SORCS1: variants seen among roughly 807,000 people sequenced by gnomAD.
The protein encoded by SORCS1 is sortilin related VPS10 domain containing receptor 1.
In SORCS1, 60 loss-of-function variants were observed where a neutral mutation model predicts 146.1. The observed-to-expected ratio is 0.41, with a 90% CI of 0.33 to 0.51. The LOEUF (loss-of-function observed/expected upper bound fraction) is 0.51, where lower values mean the gene tolerates loss of function less well. Among genes scored for constraint, SORCS1 ranks in the 20% least tolerant of loss-of-function variants. The probability of loss-of-function intolerance (pLI) is 0.21; values close to 1 mark genes in which losing one functional copy is unlikely to be tolerated. For synonymous variants in SORCS1, 637 were observed against 584.0 expected (o/e 1.09, Z -1.31); for missense variants, 1,352 against 1,487.6 (o/e 0.91, Z 1.50).
intron 18 of SORCS1, among the ~76,000 whole-genome samples, chr10:106,650,218 T>C (rs907692910): frequency 6.6e-6 from 1 of 152,230 alleles, no homozygotes; most frequent in African/African-American, 2.4e-5. Flanking sequence ...AACAATCATT[T>C]TAGAGTTGAA....
intron 5 of SORCS1, among the ~76,000 whole-genome samples, chr10:106,750,728 CAAAAAAAAAAAAAAA>C (rs572295853): frequency 9.6e-4 from 23 of 24,028 alleles, no homozygotes; most frequent in African/African-American, 2.3e-3. Flanking sequence ...GACTCCCTCT[CAAAAAAAAAAAAAAA>C]AAAAAAAAAA....
At chr10:106,881,721 A>T (rs2137731322) in intron 2 of SORCS1, among the ~76,000 whole-genome samples, 1 of 152,362 alleles carries the variant, frequency 6.6e-6, no homozygotes, top group East Asian at 1.9e-4. Context: ...AAGAAGATTC[A>T]AATTTGTTGC....
chr10:106,586,197 G>A (rs1440270436), intron 24 of SORCS1, among the ~76,000 whole-genome samples: 3 of 152,096 alleles, frequency 2.0e-5, no homozygotes, highest in Admixed American at 6.5e-5. Flanking sequence ...GGGTGGCAGG[G>A]TAAAAGTAAG....
At chr10:106,668,524 C>G (rs1023770257) in intron 16 of SORCS1, among the ~76,000 whole-genome samples, 3 of 152,172 alleles carry the variant, frequency 2.0e-5, no homozygotes, top group African/African-American at 7.2e-5. Flanking sequence ...GCAGATGAAC[C>G]TGGGCACAGA....
At chr10:107,100,110 AG>A (rs1220023177) in intron 1 of SORCS1, among the ~76,000 whole-genome samples, 2 of 152,252 alleles carry the variant, frequency 1.3e-5, no homozygotes, top group African/African-American at 4.8e-5. Flanking sequence ...AAATTTCCAT[AG>A]GTTTTTAAGA....
chr10:107,004,881 G>A (rs751716533), intron 1 of SORCS1, among the ~76,000 whole-genome samples: 4 of 152,120 alleles, frequency 2.6e-5, no homozygotes, highest in Non-Finnish European at 4.4e-5. Flanking sequence ...GGGCCTGTGC[G>A]TGTATGTGAC....
rs368303593 is a variant in SORCS1, at chr10:106,943,732, C to G, written c.626+12781G>C. ...GGCTGAGGCAGGAGAATGGCGTGAA[C>G]CCGGGAGGCAGAGCTTGCAGTGAGC... is the stretch of plus-strand genomic sequence containing the variant. On this transcript the variant is annotated intron_variant, in intron 2 of 25. Transcript: ENST00000263054. 4.5e-4 allele frequency among the ~76,000 whole-genome samples: 68 copies of G among 152,134 alleles called. 1 individual carries two copies. Among genetic ancestry groups the G allele is most frequent in the Admixed American group, 7.9e-4 (12 of 15,284 alleles).
intron 5 of SORCS1, among the ~76,000 whole-genome samples, chr10:106,734,598 C>T (rs2136047271): frequency 6.6e-6 from 1 of 152,226 alleles, no homozygotes; most frequent in East Asian, 1.9e-4. Flanking sequence ...GTACACAAAC[C>T]AGCCATATCA....
At chr10:106,887,066 T>A (rs7072697) in intron 2 of SORCS1, among the ~76,000 whole-genome samples, 10,132 of 152,204 alleles carry the variant, frequency 0.067, 546 homozygotes, top group African/African-American at 0.14. Flanking sequence ...TACCAACAGA[T>A]TCATAAACAC....
chr10:106,908,727 C>T (rs776558035), intron 2 of SORCS1, among the ~76,000 whole-genome samples: 4 of 152,150 alleles, frequency 2.6e-5, no homozygotes, highest in South Asian at 2.1e-4. Flanking sequence ...CACAGAACGG[C>T]GCTCTTTGAG....
chr10:106,941,443 A>G (rs1487430499), intron 2 of SORCS1, among the ~76,000 whole-genome samples: 1 of 152,232 alleles, frequency 6.6e-6, no homozygotes, highest in Non-Finnish European at 1.5e-5. Flanking sequence ...GTAAATGGAC[A>G]GAGCCTGGAT....
At position 106,683,529 on chromosome 10, in the gene SORCS1, G is replaced by A. The variant is rs564287584; in HGVS notation, c.1561-3795C>T. ...GTTTCTAGCATTGTGGATCCCACTG[G>A]GGAATTACCATAAAATGGAAGACAT... On this transcript the variant is annotated intron_variant, in intron 10 of 25. Transcript: ENST00000263054. 2.6e-5 allele frequency among the ~76,000 whole-genome samples: 4 copies of A among 152,190 alleles called. No individual in the cohort carries two copies. The South Asian group carries it at 8.3e-4, about 32-fold the overall frequency.
intron 6 of SORCS1, among the ~76,000 whole-genome samples, chr10:106,713,368 C>CT (rs1283294861): frequency 5.9e-5 from 9 of 152,342 alleles, no homozygotes; most frequent in Admixed American, 1.3e-4. Flanking sequence ...ATTTTTAAGA[C>CT]TGACACCTAA....
intron 1 of SORCS1, among the ~76,000 whole-genome samples, chr10:106,967,014 T>C (rs1313536990): frequency 6.6e-6 from 1 of 152,022 alleles, no homozygotes; most frequent in African/African-American, 2.4e-5. Context: ...TCAAATCCAC[T>C]AGACTTAAGT....
At chr10:106,897,132 C>T (rs112811042) in intron 2 of SORCS1, among the ~76,000 whole-genome samples, 7 of 152,060 alleles carry the variant, frequency 4.6e-5, no homozygotes, top group African/African-American at 1.7e-4. Context: ...CCGCCCACCT[C>T]GGCCTCCCAA....
At chr10:106,739,783 C>G (rs967674952) in intron 5 of SORCS1, among the ~76,000 whole-genome samples, 1 of 151,804 alleles carries the variant, frequency 6.6e-6, no homozygotes, top group Non-Finnish European at 1.5e-5. Context: ...AACCCCGTCT[C>G]TACTAAAAAA....
intron 2 of SORCS1, among the ~76,000 whole-genome samples, chr10:106,902,831 C>T (rs1362013574): frequency 6.6e-6 from 1 of 152,174 alleles, no homozygotes; most frequent in African/African-American, 2.4e-5. Context: ...ATAATCCCAG[C>T]ACTTTGGGAG....
At chr10:106,616,988 CTT>C (rs1202863897) in intron 21 of SORCS1, among the ~76,000 whole-genome samples, 1 of 148,370 alleles carries the variant, frequency 6.7e-6, no homozygotes, top group Non-Finnish European at 1.5e-5. Flanking sequence ...GAGTTTCTCT[CTT>C]GTTGCCCAGG....
chr10:107,062,020 C>T (rs529277292), intron 1 of SORCS1, among the ~76,000 whole-genome samples: 1 of 152,198 alleles, frequency 6.6e-6, no homozygotes, highest in Non-Finnish European at 1.5e-5. Flanking sequence ...TCTTCATAGC[C>T]ATCCTCTAAG....
Sources: allele counts gnomAD v4.1 joint callset (sites outside exome capture counted in the v4.1 genomes callset), GRCh38; gene constraint gnomAD v4.1.1; transcripts MANE v1.5; gene names NCBI Gene and HGNC (gene_info 2026-07-23, HGNC 2026-07-21).